IGF1: variants seen among roughly 807,000 people sequenced by gnomAD.
IGF1 encodes insulin-like growth factor 1.
A neutral mutation model predicts 13.8 loss-of-function variants in IGF1; 4 were observed. That is an observed-to-expected ratio of 0.29 (90% confidence interval 0.14 to 0.66). IGF1 has a LOEUF of 0.66. Among genes scored for constraint, IGF1 ranks in the 30% least tolerant of loss-of-function variants. IGF1 has a pLI of 0.78. For missense variants in IGF1, 124 were observed against 188.5 expected (o/e 0.66, Z 2.00); for synonymous variants, 76 against 72.6 (o/e 1.05, Z -0.23).
intron 3 of IGF1, among the ~76,000 whole-genome samples, chr12:102,414,841 G>A (rs1452593694): frequency 1.3e-5 from 2 of 152,148 alleles, no homozygotes; most frequent in African/African-American, 4.8e-5. Flanking sequence ...ATTTCAGGAT[G>A]ATTATTCCAT....
In IGF1 at chr12:102,399,137, G is replaced by GTC. The variant is rs1873474022; in HGVS notation, c.*3369_*3370insGA. ...TGTGTGTGTGTGTGTGTGTGTGTGT[G>GTC]TGTGTGTGTCTGTGTATGTAGGGTG... On this transcript the variant is annotated 3_prime_UTR_variant, in exon 4 of 4. Transcript: ENST00000337514. 1 of 152,692 alleles carries GTC rather than the reference G, an allele frequency of 6.5e-6. No individual in the cohort carries two copies. Among genetic ancestry groups the GTC allele is most frequent in the South Asian group, 2.1e-4 (1 of 4,830 alleles). 9.5% of individuals were successfully genotyped at this position (152,692 alleles called of 1,614,324 possible). A position where few individuals can be genotyped will look rare whatever the true frequency, so the allele number is the denominator to read the frequency against.
intron 2 of IGF1, among the ~76,000 whole-genome samples, chr12:102,455,027 G>A (rs1399389803): frequency 4.6e-5 from 7 of 152,198 alleles, no homozygotes. Context: ...GGAAGGGAAA[G>A]GGAAGAAGGG....
intron 2 of IGF1, among the ~76,000 whole-genome samples, chr12:102,440,948 C>G (rs1877660383): frequency 6.6e-6 from 1 of 152,148 alleles, no homozygotes; most frequent in Non-Finnish European, 1.5e-5. Flanking sequence ...AGATGGTGCT[C>G]AGTCCTTTTG....
chr12:102,426,640 G>A (rs192875577), intron 2 of IGF1, among the ~76,000 whole-genome samples: 47 of 152,332 alleles, frequency 3.1e-4, no homozygotes, highest in African/African-American at 1.1e-3. Flanking sequence ...CAAATAAGGC[G>A]TATGGGCTTA....
intron 2 of IGF1, among the ~76,000 whole-genome samples, chr12:102,466,697 T>G (rs1880355659): frequency 6.6e-6 from 1 of 152,054 alleles, no homozygotes; most frequent in South Asian, 2.1e-4. Flanking sequence ...AGCCCAGGAA[T>G]TTGAGACCAG....
rs1341684312 is a variant in IGF1, at chr12:102,396,415, T to G, written c.*6092A>C. 1 of 153,392 alleles carries G rather than the reference T, an allele frequency of 6.5e-6. No individual in the cohort carries two copies. The highest frequency in any genetic ancestry group is 1.5e-5 in the Non-Finnish European group (1 of 68,850). The allele number at this position is 153,392 out of a possible 1,614,324, so 9.5% of individuals were successfully genotyped here. On this transcript the variant is annotated 3_prime_UTR_variant, in exon 4 of 4. Transcript: ENST00000337514. The stretch of plus-strand genomic sequence containing the variant: ...CAGATAAAAGATGTAAGTAGACAGC[T>G]TGAGGTTTCAGAGTCCCTCCTGCAG...
Position 102,432,303 on chromosome 12 carries a change from G to A in IGF1, c.221-12613C>T, listed in dbSNP as rs17879585. Among the ~76,000 whole-genome samples, 1,282 of 152,182 alleles carry A rather than the reference G, an allele frequency of 8.4e-3. 21 individuals carry two copies. The highest frequency in any genetic ancestry group is 0.029 in the African/African-American group (1,215 of 41,502). ...TGCTGTAACCATTTTCCTATTACTA[G>A]GCATTTAGGCTATTTCTAGTTTTAT... is the stretch of plus-strand genomic sequence containing the variant. On this transcript the variant is annotated intron_variant, in intron 2 of 3. Transcript: ENST00000337514.
intron 1 of IGF1, among the ~76,000 whole-genome samples, chr12:102,476,976 T>C (rs1479015296): frequency 1.3e-5 from 2 of 152,178 alleles, no homozygotes; most frequent in Non-Finnish European, 2.9e-5. Flanking sequence ...ATGCATCTAC[T>C]TTCAGCATCA....
At chr12:102,403,948 G>T (rs1479034613) in intron 3 of IGF1, among the ~76,000 whole-genome samples, 1 of 152,116 alleles carries the variant, frequency 6.6e-6, no homozygotes, top group Non-Finnish European at 1.5e-5. Context: ...GTGATGTGCA[G>T]AACTAAGTCA....
chr12:102,469,257 A>G (rs968393761), intron 2 of IGF1, among the ~76,000 whole-genome samples: 6 of 152,212 alleles, frequency 3.9e-5, no homozygotes, highest in African/African-American at 7.2e-5. Flanking sequence ...TAGCACCCCA[A>G]GAAAAAGTTT....
At chr12:102,471,273 A>G (rs1197480003) in intron 2 of IGF1, among the ~76,000 whole-genome samples, 1 of 152,176 alleles carries the variant, frequency 6.6e-6, no homozygotes, top group Admixed American at 6.5e-5. Context: ...AGCTTTGTTA[A>G]ATACAACCTA....
chr12:102,414,685 A>G (rs984139218), intron 3 of IGF1, among the ~76,000 whole-genome samples: 2 of 152,114 alleles, frequency 1.3e-5, no homozygotes, highest in Non-Finnish European at 1.5e-5. Context: ...TGGCCTCCCA[A>G]AGTGCTAGGA....
intron 2 of IGF1, among the ~76,000 whole-genome samples, chr12:102,441,642 G>T (rs1877726707): frequency 6.6e-6 from 1 of 152,182 alleles, no homozygotes; most frequent in Non-Finnish European, 1.5e-5. Flanking sequence ...AAAAGGGGTT[G>T]CAGGTTATTT....
At chr12:102,420,702 G>A (rs766641305) in intron 2 of IGF1, among the ~76,000 whole-genome samples, 3 of 152,150 alleles carry the variant, frequency 2.0e-5, no homozygotes, top group Non-Finnish European at 4.4e-5. Flanking sequence ...TGAACGAAAT[G>A]TCCATCTTTC....
chr12:102,473,362 T>G (rs2137261165), intron 2 of IGF1, among the ~76,000 whole-genome samples: 1 of 152,328 alleles, frequency 6.6e-6, no homozygotes, highest in Middle Eastern at 3.4e-3. Context: ...CATATCTCAT[T>G]CAATGCTTAC....
intron 2 of IGF1, among the ~76,000 whole-genome samples, chr12:102,453,818 G>A (rs967444133): frequency 9.2e-5 from 14 of 152,104 alleles, no homozygotes; most frequent in Non-Finnish European, 1.6e-4. Flanking sequence ...CCCTGGATTC[G>A]TTGCACTTAG....
At position 102,459,544 on chromosome 12, in the gene IGF1, TG is replaced by T. The variant is rs760461547; in HGVS notation, c.220+16098del. Among the ~76,000 whole-genome samples the T allele has an allele frequency of 1.4e-3, 211 of 152,190 alleles. 1 individual carries two copies. The highest frequency in any genetic ancestry group is 2.4e-3 in the Non-Finnish European group (165 of 67,994). The stretch of plus-strand genomic sequence containing the variant: ...CAAACTGTAAGGCTACAGCTTGTTT[TG>T]TCTGAAGAGTTGGGTTGATGGTCTC... On this transcript the variant is annotated intron_variant, in intron 2 of 3. Transcript: ENST00000337514.
chr12:102,469,424 T>TATA (rs1880552386), intron 2 of IGF1, among the ~76,000 whole-genome samples: 1 of 152,182 alleles, frequency 6.6e-6, no homozygotes, highest in African/African-American at 2.4e-5. Context: ...TATCCTGGTG[T>TATA]ATACAGGTGA....
intron 2 of IGF1, chr12:102,463,610 G>A (rs1176411304): frequency 6.6e-6 from 1 of 152,190 alleles, no homozygotes; most frequent in Non-Finnish European, 1.5e-5. Flanking sequence ...TCCGATGGAT[G>A]GTAGAAATTA....
Sources: allele counts gnomAD v4.1 joint callset (sites outside exome capture counted in the v4.1 genomes callset), GRCh38; gene constraint gnomAD v4.1.1; transcripts MANE v1.5; gene names NCBI Gene and HGNC (gene_info 2026-07-23, HGNC 2026-07-21).